HAT1: variants seen among roughly 807,000 people sequenced by gnomAD.
HAT1 encodes histone acetyltransferase 1.
In HAT1, 20 loss-of-function variants were observed where a neutral mutation model predicts 56.6. The ratio of observed to expected loss-of-function variants is 0.35; its 90% CI spans 0.25 to 0.51. The LOEUF is 0.51. Among genes scored for constraint, HAT1 ranks in the 20% least tolerant of loss-of-function variants. The probability of loss-of-function intolerance (pLI) is 0.95; values close to 1 mark genes in which losing one functional copy is unlikely to be tolerated. For missense variants in HAT1, 408 were observed against 504.3 expected (o/e 0.81, Z 1.83); for synonymous variants, 146 against 165.5 (o/e 0.88, Z 0.91).
intron 7 of HAT1, 58 bp downstream of exon 7, chr2:171,966,571 G>A: frequency 1.2e-6 from 1 of 823,880 alleles, no homozygotes; most frequent in South Asian, 1.3e-5. Flanking sequence ...AACTGCTGAA[G>A]TTTCCAATAC....
intron 3 of HAT1, among the ~76,000 whole-genome samples, chr2:171,951,408 T>G (rs1687304093): frequency 6.6e-6 from 1 of 151,996 alleles, no homozygotes; most frequent in Non-Finnish European, 1.5e-5. Context: ...AAGATCTAGT[T>G]TTACAGATAG....
At position 171,970,496 on chromosome 2, in the gene HAT1, C is replaced by CTTTTT. The variant is rs61462189; in HGVS notation, c.823+3584_823+3588dup. On this transcript the variant is annotated intron_variant, in intron 8 of 10. Transcript: ENST00000264108. Reference sequence around the variant, plus strand: ...TAAATCAGTATTAGCAATGCAGTTTCTTTTTTTTTTTTTTTTTTTTTTTTT... The same window carrying CTTTTT: ...TAAATCAGTATTAGCAATGCAGTTTCTTTTTTTTTTTTTTTTTTTTTTTTTTTTTT... Among the ~76,000 whole-genome samples the CTTTTT allele has an allele frequency of 7.1e-4, 53 of 74,986 alleles. 3 individuals carry two copies. Among genetic ancestry groups the CTTTTT allele is most frequent in the African/African-American group, 1.7e-3 (25 of 14,796 alleles). 49.2% of individuals were successfully genotyped at this position (74,986 alleles called of 152,430 possible).
At position 171,933,006 on chromosome 2, in the gene HAT1, T is replaced by C. The variant is rs534160847; in HGVS notation, c.112+7365T>C. Among the ~76,000 whole-genome samples, 5 of 152,340 alleles carry C rather than the reference T, an allele frequency of 3.3e-5. No homozygotes were observed. The South Asian group carries it at 1.0e-3, about 32-fold the overall frequency. On this transcript the variant is annotated intron_variant, in intron 2 of 10. Transcript: ENST00000264108. ...TTTTCAGCATTGCCTTTGTCTGTTA[T>C]TTATCTGTTTTCTTAATCTTTATAA...
At chr2:171,953,867 C>T (rs1687375366) in intron 4 of HAT1, among the ~76,000 whole-genome samples, 1 of 151,428 alleles carries the variant, frequency 6.6e-6, no homozygotes, top group Non-Finnish European at 1.5e-5. Context: ...TGGTGGTACA[C>T]ACCTGTAATC....
intron 4 of HAT1, among the ~76,000 whole-genome samples, chr2:171,953,928 G>C (rs1360387018): frequency 1.3e-5 from 2 of 152,186 alleles, no homozygotes; most frequent in Non-Finnish European, 2.9e-5. Flanking sequence ...CTGGGAGGCA[G>C]AGGTTGCAGT....
chr2:171,966,638 G>T, intron 7 of HAT1, 125 bp downstream of exon 7: 1 of 651,054 alleles, frequency 1.5e-6, no homozygotes. Flanking sequence ...CATGGGCTAT[G>T]TACTGATTTA....
At position 171,966,392 on chromosome 2, in the gene HAT1, T is replaced by G; in HGVS notation, c.612-17T>G. The G allele has an allele frequency of 7.4e-7, 1 of 1,347,950 alleles. No homozygotes were observed. Among genetic ancestry groups the G allele is most frequent in the Non-Finnish European group, 1.1e-6 (1 of 937,144 alleles). The allele number at this position is 1,347,950 out of a possible 1,614,324, so 83.5% of individuals were successfully genotyped here. A position where few individuals can be genotyped will look rare whatever the true frequency, so the allele number is the denominator to read the frequency against. On this transcript the variant is annotated splice_polypyrimidine_tract_variant and intron_variant, in intron 6 of 10. Transcript: ENST00000264108. ...GCGACTGTAATTGACCTGCTTGGCT[T>G]TCTGTTTTATCTGCAGATTTGAGAA...
intron 2 of HAT1, among the ~76,000 whole-genome samples, chr2:171,934,645 C>T (rs554583565): frequency 3.4e-4 from 52 of 152,068 alleles, no homozygotes; most frequent in East Asian, 5.8e-4. Context: ...TCAGGTAGCA[C>T]TAAGGGCCCA....
intron 2 of HAT1, among the ~76,000 whole-genome samples, chr2:171,935,652 T>C (rs1188294793): frequency 6.6e-6 from 1 of 151,584 alleles, no homozygotes; most frequent in Non-Finnish European, 1.5e-5. Context: ...CCAGGCAGGA[T>C]GATCACTTTA....
intron 2 of HAT1, among the ~76,000 whole-genome samples, chr2:171,944,396 T>A (rs1687106185): frequency 6.6e-6 from 1 of 152,228 alleles, no homozygotes; most frequent in South Asian, 2.1e-4. Context: ...TCCTGTGAAT[T>A]GGAAGGTAAA....
chr2:171,965,063 A>G (rs1401506404), intron 4 of HAT1: 4 of 314,194 alleles, frequency 1.3e-5, no homozygotes, highest in East Asian at 1.2e-4. Flanking sequence ...CTGTTTCTGC[A>G]TAATGGAAAT....
chr2:171,924,982 C>T (rs1279707232), intron 1 of HAT1: 2 of 151,560 alleles, frequency 1.3e-5, no homozygotes, highest in Non-Finnish European at 2.9e-5. Context: ...TGTTAATTTT[C>T]AGGTTTATTC....
At chr2:171,946,175 G>A (rs769982314) in intron 2 of HAT1, among the ~76,000 whole-genome samples, 16 of 152,174 alleles carry the variant, frequency 1.1e-4, no homozygotes, top group Non-Finnish European at 1.9e-4. Flanking sequence ...TTTCCCCTGT[G>A]TATACTTATA....
intron 4 of HAT1, among the ~76,000 whole-genome samples, chr2:171,961,862 A>G (rs546118367): frequency 5.3e-5 from 8 of 150,600 alleles, no homozygotes; most frequent in Admixed American, 1.3e-4. Context: ...GATTGAGAAC[A>G]TTAAGTAGAT....
intron 2 of HAT1, among the ~76,000 whole-genome samples, chr2:171,926,899 CCAGATATATAT>C (rs1292775559): frequency 6.6e-6 from 1 of 152,084 alleles, no homozygotes; most frequent in African/African-American, 2.4e-5. Context: ...TGTAAGAAAC[CCAGATATATAT>C]CAGCTGGTAA....
chr2:171,955,087 C>T (rs1281599805), intron 4 of HAT1, among the ~76,000 whole-genome samples: 1 of 152,160 alleles, frequency 6.6e-6, no homozygotes, highest in East Asian at 1.9e-4. Context: ...CACCTCCAGA[C>T]CGTAAGAGAA....
intron 2 of HAT1, among the ~76,000 whole-genome samples, chr2:171,941,138 A>G (rs576638265): frequency 5.9e-5 from 9 of 152,104 alleles, no homozygotes; most frequent in Non-Finnish European, 1.3e-4. Context: ...TTGCCATTAT[A>G]AAGCCTGCCA....
intron 4 of HAT1, among the ~76,000 whole-genome samples, chr2:171,961,951 A>G (rs1185154478): frequency 6.6e-6 from 1 of 151,428 alleles, no homozygotes; most frequent in Non-Finnish European, 1.5e-5. Flanking sequence ...TCTATGTACC[A>G]CTTTAGCCAA....
intron 3 of HAT1, 78 bp from the exon 4 acceptor site, chr2:171,952,803 A>C: frequency 1.2e-6 from 1 of 852,148 alleles, no homozygotes; most frequent in South Asian, 2.6e-5. Context: ...CATGAAGTTA[A>C]ACTTGTTTAT....
Sources: allele counts gnomAD v4.1 joint callset (sites outside exome capture counted in the v4.1 genomes callset), GRCh38; gene constraint gnomAD v4.1.1; transcripts MANE v1.5; gene names NCBI Gene and HGNC (gene_info 2026-07-23, HGNC 2026-07-21).